DMD: variants seen among roughly 807,000 people sequenced by gnomAD.
DMD encodes the protein dystrophin, also known as mutant dystrophin.
A neutral mutation model predicts 330.1 loss-of-function variants in DMD; 63 were observed. The observed-to-expected ratio is 0.19, with a 90% confidence interval of 0.16 to 0.24. The LOEUF (loss-of-function observed/expected upper bound fraction) is 0.24. Ranked by LOEUF, DMD falls within the 10% of genes least tolerant of loss-of-function variation. DMD has a pLI of 1.00. For missense variants in DMD, 3,344 were observed against 2,684.1 expected (o/e 1.25, Z -5.43); for synonymous variants, 1,223 against 959.8 (o/e 1.27, Z -5.07).
chrX:31,697,038 C>A (rs1014309091), intron 52 of DMD, among the ~76,000 whole-genome samples: 2 of 112,189 alleles, frequency 1.8e-5, no homozygotes, highest in Admixed American at 9.5e-5. Flanking sequence ...GAAAGCAAAT[C>A]TAAAATCTGA....
chrX:32,330,220 T>G (rs1182530444), intron 41 of DMD, among the ~76,000 whole-genome samples: 3 of 112,392 alleles, frequency 2.7e-5, no homozygotes, highest in East Asian at 2.8e-4. Flanking sequence ...AACTAAATTT[T>G]AAACAAACCT....
upstream of DMD, among the ~76,000 whole-genome samples, chrX:33,213,148 G>A (rs775316385): frequency 8.1e-5 from 9 of 111,432 alleles, no homozygotes; most frequent in Non-Finnish European, 1.5e-4. Context: ...GTGTTTTACC[G>A]GTGATTCTAA....
intron 44 of DMD, among the ~76,000 whole-genome samples, chrX:32,124,494 G>T (rs754942985): frequency 8.9e-6 from 1 of 112,054 alleles, no homozygotes; most frequent in South Asian, 3.7e-4. Flanking sequence ...TAGGTCCAAA[G>T]TCCTAATAGA....
At chrX:31,480,175 G>T (rs1263217518) in intron 57 of DMD, among the ~76,000 whole-genome samples, 1 of 111,747 alleles carries the variant, frequency 8.9e-6, no homozygotes, top group Admixed American at 9.5e-5. Flanking sequence ...TTTCACTGGG[G>T]AAAAACAAAT....
In DMD at chrX:32,568,488, C is replaced by T. The variant is rs774993343; in HGVS notation, c.1813-2607G>A. 4.7e-3 allele frequency among the ~76,000 whole-genome samples: 453 copies of T among 96,269 alleles called. 1 individual carries two copies. The highest frequency in any genetic ancestry group is 7.4e-3 in the Non-Finnish European group (369 of 49,768). The allele number at this position is 96,269 out of a possible 115,157, so 83.6% of individuals were successfully genotyped here. A position where few individuals can be genotyped will look rare whatever the true frequency, so the allele number is the denominator to read the frequency against. On this transcript the variant is annotated intron_variant, in intron 15 of 78. Coordinates refer to ENST00000357033, the MANE Select transcript of DMD (RefSeq NM_004006.3). ...CACCACTGCACTCCAGCCTGGGCAA[C>T]AGAGCAAGACTCCATCTCAAGAAAA...
intron 1 of DMD, among the ~76,000 whole-genome samples, chrX:33,326,475 A>C (rs1399951136): frequency 2.7e-5 from 3 of 111,859 alleles, no homozygotes; most frequent in Non-Finnish European, 5.6e-5. Context: ...TATGTGAATA[A>C]GAATTGTTTA....
intron 45 of DMD, among the ~76,000 whole-genome samples, chrX:31,955,911 C>T (rs893325045): frequency 8.9e-6 from 1 of 112,148 alleles, no homozygotes; most frequent in African/African-American, 3.2e-5. Context: ...AAAATGAAAT[C>T]GGTGACTTTG....
At chrX:33,278,338 C>T (rs2053269087) in intron 1 of DMD, among the ~76,000 whole-genome samples, 1 of 110,602 alleles carries the variant, frequency 9.0e-6, no homozygotes. Flanking sequence ...CTTCCTCCCT[C>T]CCCTCGATTG....
chrX:33,267,981 T>C (rs766862419), intron 1 of DMD, among the ~76,000 whole-genome samples: 23 of 104,932 alleles, frequency 2.2e-4, no homozygotes, highest in African/African-American at 7.9e-4. Context: ...CTTCTTGACA[T>C]TGGCATTGGC....
intron 44 of DMD, among the ~76,000 whole-genome samples, chrX:31,996,436 C>G (rs971413096): frequency 9.0e-6 from 1 of 111,418 alleles, no homozygotes; most frequent in Admixed American, 9.5e-5. Context: ...AAACACTATT[C>G]GAAAGGCAAA....
chrX:31,778,428 C>T (rs1204901390), intron 50 of DMD, among the ~76,000 whole-genome samples: 2 of 111,334 alleles, frequency 1.8e-5, no homozygotes, highest in African/African-American at 6.5e-5. Context: ...CACATTAGAG[C>T]CATTTCTGTT....
At chrX:32,704,821 A>G (rs1291172706) in intron 7 of DMD, among the ~76,000 whole-genome samples, 2 of 112,417 alleles carry the variant, frequency 1.8e-5, no homozygotes, top group African/African-American at 6.5e-5. Flanking sequence ...GAAAACAGAA[A>G]GGCCTATATG....
chrX:32,342,916 C>T lies in DMD; in HGVS notation c.5739+218G>A, dbSNP rs7891425. On this transcript the variant is annotated intron_variant, in intron 40 of 78. Coordinates refer to ENST00000357033, the MANE Select transcript of DMD (RefSeq NM_004006.3). ...AAAACACATCACATTTCTTAAATCA[C>T]TTTACATAGTCTAAAACATTTTATT... The T allele has an allele frequency of 0.15, 69,413 of 460,383 alleles. 5,042 individuals are homozygous for T. Among genetic ancestry groups the T allele is most frequent in the African/African-American group, 0.39 (16,182 of 41,594 alleles). The allele number at this position is 460,383 out of a possible 1,213,427, so 37.9% of individuals were successfully genotyped here.
intron 19 of DMD, among the ~76,000 whole-genome samples, chrX:32,494,187 C>A (rs759855892): frequency 9.0e-6 from 1 of 111,505 alleles, no homozygotes; most frequent in Non-Finnish European, 1.9e-5. Context: ...TTGATCATTA[C>A]ACAAAACTCT....
intron 7 of DMD, among the ~76,000 whole-genome samples, chrX:32,740,139 G>A (rs1246499993): frequency 2.8e-5 from 3 of 108,849 alleles, no homozygotes; most frequent in Non-Finnish European, 5.7e-5. Flanking sequence ...GCTTTCACAT[G>A]TTCTCTTGCG....
At chrX:32,592,378 C>G (rs1042138327) in intron 13 of DMD, among the ~76,000 whole-genome samples, 2 of 111,090 alleles carry the variant, frequency 1.8e-5, no homozygotes, top group Admixed American at 1.9e-4. Context: ...TTGGGACTAC[C>G]AGCCGCAGGA....
At chrX:32,770,145 G>C (rs927663200) in intron 7 of DMD, among the ~76,000 whole-genome samples, 2 of 111,901 alleles carry the variant, frequency 1.8e-5, no homozygotes, top group Non-Finnish European at 3.8e-5. Context: ...TAGAAAGCCG[G>C]ATTTTGTTTA....
chrX:32,814,968 C>T (rs1394731603), intron 6 of DMD, among the ~76,000 whole-genome samples: 1 of 111,434 alleles, frequency 9.0e-6, no homozygotes, highest in Non-Finnish European at 1.9e-5. Context: ...CATAAATGAG[C>T]ATTGACTTAA....
At chrX:32,412,003 ACT>A (rs1469835819) in intron 29 of DMD, 90 bp from the exon 30 acceptor site, 2 of 1,187,604 alleles carry the variant, frequency 1.7e-6, no homozygotes, top group African/African-American at 3.5e-5. Flanking sequence ...AAGATTCTAG[ACT>A]CTTCCACAAT....
Sources: gnomAD v4.1 joint callset for allele counts (sites outside exome capture counted in the v4.1 genomes callset) on GRCh38, gnomAD v4.1.1 for gene constraint, MANE v1.5 for transcripts, NCBI Gene and HGNC (gene_info 2026-07-23, HGNC 2026-07-21) for gene names.